KLHL18: variants seen among roughly 807,000 people sequenced by gnomAD.
The protein encoded by KLHL18 is kelch-like protein 18.
Under a neutral mutation model 58.5 loss-of-function variants are expected in KLHL18, and 38 were observed. That is an observed-to-expected ratio of 0.65 (90% CI 0.50 to 0.85). KLHL18 has a LOEUF of 0.85. Ranked by LOEUF, KLHL18 falls within the 40% of genes least tolerant of loss-of-function variation. The probability of loss-of-function intolerance (pLI) is 0.00; values close to 1 mark genes in which losing one functional copy is unlikely to be tolerated. For missense variants in KLHL18, 624 were observed against 778.4 expected (o/e 0.80, Z 2.36); for synonymous variants, 303 against 301.9 (o/e 1.00, Z -0.04).
In KLHL18 at chr3:47,322,652, G is replaced by C; in HGVS notation, c.345G>C (p.Ala115=). 2.5e-6 allele frequency: 4 copies of C among 1,605,418 alleles called. No homozygotes were observed. Among genetic ancestry groups the C allele is most frequent in the Non-Finnish European group, 3.4e-6 (4 of 1,176,296 alleles). The change falls in exon 3 of 10, where the codon GCG becomes GCC. Residue 115 remains alanine, a synonymous_variant. Transcript: ENST00000232766. ...QQNVQSLLMG[A]SFLQLQSIKD... ...ATGTCCAGTCATTGCTGATGGGGGC[G>C]AGCTTCCTGCAGCTGCAGAGCATCA...
intron 3 of KLHL18, among the ~76,000 whole-genome samples, chr3:47,326,683 C>T (rs541131245): frequency 2.6e-5 from 4 of 152,058 alleles, no homozygotes; most frequent in East Asian, 1.9e-4. Context: ...TCTGGGAGGC[C>T]GAGGCAGGGT....
chr3:47,334,752 A>C lies in KLHL18; in HGVS notation c.831A>C (p.Arg277Ser). 1 of 1,614,180 alleles carries C rather than the reference A, an allele frequency of 6.2e-7. No homozygotes were observed. The highest frequency in any genetic ancestry group is 2.2e-5 in the East Asian group (1 of 44,874). Residue 277 changes from arginine (R) to serine (S), a missense_variant, in exon 6 of 10, where the codon AGA (arginine) becomes AGC (serine). Coordinates refer to ENST00000232766, the MANE Select transcript of KLHL18 (RefSeq NM_025010.5). This position sits in a 1 kb window ranked among gnomAD's most constrained non-coding sequence, Gnocchi z 4.7. Reference sequence around the variant, plus strand: ...GCCGGCCCCACCTGCCAGCTTTCAGAACCCGGCCACGCTGCTGCACATCCA... The same window carrying C: ...GCCGGCCCCACCTGCCAGCTTTCAGCACCCGGCCACGCTGCTGCACATCCA... ...PERRPHLPAF[R>S]TRPRCCTSIA...
chr3:47,292,951 A>G (rs554656656), intron 1 of KLHL18, among the ~76,000 whole-genome samples: 18 of 152,030 alleles, frequency 1.2e-4, no homozygotes, highest in South Asian at 1.0e-3. Context: ...AATATTACTC[A>G]GCCTTTAAAA....
intron 1 of KLHL18, among the ~76,000 whole-genome samples, chr3:47,304,094 A>G (rs1314660336): frequency 6.6e-6 from 1 of 152,206 alleles, no homozygotes; most frequent in Admixed American, 6.5e-5. Flanking sequence ...ACACACATAC[A>G]GTGGCTAACA....
intron 7 of KLHL18, chr3:47,337,020 G>A: frequency 6.6e-6 from 3 of 454,408 alleles, no homozygotes; most frequent in Admixed American, 3.8e-5. Context: ...TGCCAGATAA[G>A]GACTGGAAAT....
At chr3:47,298,392 G>A (rs1360563499) in intron 1 of KLHL18, among the ~76,000 whole-genome samples, 1 of 151,064 alleles carries the variant, frequency 6.6e-6, no homozygotes, top group Non-Finnish European at 1.5e-5. Flanking sequence ...ACCTGTTTAG[G>A]GTTTGGATCT....
chr3:47,302,124 A>T (rs959462899), intron 1 of KLHL18, among the ~76,000 whole-genome samples: 1 of 152,160 alleles, frequency 6.6e-6, no homozygotes, highest in African/African-American at 2.4e-5. Flanking sequence ...TTTGTATGTT[A>T]TGTGTATTAT....
chr3:47,341,585 TG>T (rs988830917), intron 8 of KLHL18, among the ~76,000 whole-genome samples: 7 of 152,208 alleles, frequency 4.6e-5, no homozygotes, highest in African/African-American at 1.7e-4. Flanking sequence ...GGGAGGTGTT[TG>T]CTCATCATAG....
chr3:47,336,560 G>A lies in KLHL18; in HGVS notation c.924G>A (p.Val308=). Residue 308 remains valine (V), a synonymous_variant, in exon 7 of 10, where the codon GTG becomes GTA. Transcript: ENST00000232766. ...GTGATTCCCTGAATGTGGTGGAAGT[G>A]TTCGACCCCATTGCCAATTGCTGGG... The part of the protein sequence containing the change: ...SAGDSLNVVE[V]FDPIANCWER... 1 of 1,614,126 alleles carries A rather than the reference G, an allele frequency of 6.2e-7. No individual in the cohort carries two copies.
chr3:47,286,068 T>C (rs1380097782), intron 1 of KLHL18, among the ~76,000 whole-genome samples: 1 of 151,330 alleles, frequency 6.6e-6, no homozygotes, highest in East Asian at 1.9e-4. Context: ...TCAGACGTAG[T>C]TTCAACTGAG....
chr3:47,285,165 G>C (rs905805738), intron 1 of KLHL18, among the ~76,000 whole-genome samples: 1 of 152,176 alleles, frequency 6.6e-6, no homozygotes, highest in Non-Finnish European at 1.5e-5. Flanking sequence ...CAGGAGAGGA[G>C]TGAAGTGATC....
chr3:47,294,598 A>G (rs181025429), intron 1 of KLHL18, among the ~76,000 whole-genome samples: 15 of 152,326 alleles, frequency 9.8e-5, no homozygotes, highest in African/African-American at 3.4e-4. Context: ...TGATAAGGGC[A>G]GAGTGACCAA....
chr3:47,286,606 G>A (rs1333585064), intron 1 of KLHL18, among the ~76,000 whole-genome samples: 1 of 152,136 alleles, frequency 6.6e-6, no homozygotes, highest in Non-Finnish European at 1.5e-5. Flanking sequence ...GATTCATTAG[G>A]TCTGGCATGG....
intron 9 of KLHL18, 35 bp from the exon 10 acceptor site, chr3:47,343,516 TCTGA>T (rs1704155932): frequency 1.2e-6 from 2 of 1,610,618 alleles, no homozygotes; most frequent in Non-Finnish European, 1.7e-6. Context: ...GAGCTTTGCC[TCTGA>T]CTGTCCTGTA....
At chr3:47,326,870 G>A (rs923045978) in intron 3 of KLHL18, among the ~76,000 whole-genome samples, 1 of 151,496 alleles carries the variant, frequency 6.6e-6, no homozygotes, top group Admixed American at 6.6e-5. Context: ...GCGGTGAGCC[G>A]AGATCGTGCC....
chr3:47,294,323 G>A (rs1702852436), intron 1 of KLHL18, among the ~76,000 whole-genome samples: 1 of 152,176 alleles, frequency 6.6e-6, no homozygotes, highest in South Asian at 2.1e-4. Context: ...GGTGCTGAGG[G>A]TGCAGCAGTG....
chr3:47,331,012 G>A (rs757126486), intron 4 of KLHL18, among the ~76,000 whole-genome samples: 8 of 151,118 alleles, frequency 5.3e-5, no homozygotes, highest in Non-Finnish European at 7.4e-5. Context: ...GTTTACAGGC[G>A]TGAGCCACTG....
chr3:47,324,294 C>CTTTTTTTTTTTTTTTTTTTTTTTTTTTT (rs1559498832), intron 3 of KLHL18, among the ~76,000 whole-genome samples: 1 of 10,606 alleles, frequency 9.4e-5, no homozygotes, highest in African/African-American at 2.1e-4. Context: ...CTTTTTCTTT[C>CTTTTTTTTTTTTTTTTTTTTTTTTTTTT]TTTCTTTTTT....
chr3:47,287,006 T>G (rs1346973873), intron 1 of KLHL18, among the ~76,000 whole-genome samples: 1 of 152,186 alleles, frequency 6.6e-6, no homozygotes, highest in East Asian at 1.9e-4. Context: ...ATTTCGGCCC[T>G]TCTTCTTGCT....
Sources: allele counts gnomAD v4.1 joint callset (sites outside exome capture counted in the v4.1 genomes callset), GRCh38; gene constraint gnomAD v4.1.1; non-coding constraint Gnocchi (gnomAD v3.1); transcripts MANE v1.5; gene names NCBI Gene and HGNC (gene_info 2026-07-23, HGNC 2026-07-21).